KATNIP: variants seen among roughly 807,000 people sequenced by gnomAD.
KATNIP encodes katanin interacting protein, also known as katanin-interacting protein.
A neutral mutation model predicts 174.0 loss-of-function variants in KATNIP; 126 were observed. That is an observed-to-expected ratio of 0.72 (90% CI 0.63 to 0.84). KATNIP has a LOEUF of 0.84. KATNIP is among the 40% of genes least tolerant of loss of function. KATNIP has a pLI of 0.00. For synonymous variants in KATNIP, 810 were observed against 835.7 expected, an observed-to-expected ratio of 0.97 and a Z score of 0.53; for missense variants, 1,958 against 2,109.7, an observed-to-expected ratio of 0.93 and a Z score of 1.41.
In KATNIP at chr16:27,606,286, C is replaced by T. The variant is rs2075702158; in HGVS notation, c.64-12139C>T. On this transcript the variant is annotated intron_variant, in intron 2 of 27. Coordinates refer to ENST00000261588, the MANE Select transcript of KATNIP (RefSeq NM_015202.5). ...TTGAAGGAAGGCTGTGACTTTTGTA[C>T]TGTAAGATACATTTGGATCATCTCT... 2.0e-5 allele frequency among the ~76,000 whole-genome samples: 3 copies of T among 152,128 alleles called. No individual in the cohort carries two copies. The South Asian group carries it at 6.2e-4, about 32-fold the overall frequency.
intron 8 of KATNIP, among the ~76,000 whole-genome samples, chr16:27,690,350 A>ATAGG (rs1278461274): frequency 4.2e-5 from 5 of 120,052 alleles, no homozygotes; most frequent in Admixed American, 1.8e-4. Context: ...AGATAGATAG[A>ATAGG]TAGATAGATA....
intron 6 of KATNIP, among the ~76,000 whole-genome samples, chr16:27,655,206 ATATATATATATATATATATATATT>A (rs1257429679): frequency 8.7e-6 from 1 of 115,556 alleles, no homozygotes; most frequent in African/African-American, 4.0e-5. Context: ...ATATATATAT[ATATATATATATATATATATATATT>A]TTGTTTGTTT....
chr16:27,632,748 CTTTT>C (rs1192611326), intron 5 of KATNIP: 17 of 378,206 alleles, frequency 4.5e-5, no homozygotes, highest in East Asian at 3.8e-4. Flanking sequence ...TGATTTCTTT[CTTTT>C]TTTTTTTTCT....
At chr16:27,678,371 C>T (rs540598821) in intron 7 of KATNIP, among the ~76,000 whole-genome samples, 2 of 152,186 alleles carry the variant, frequency 1.3e-5, no homozygotes, top group South Asian at 2.1e-4. Flanking sequence ...TCTCCCTCTT[C>T]GTCTTCTTTT....
At chr16:27,622,344 G>T (rs565279947) in intron 3 of KATNIP, among the ~76,000 whole-genome samples, 3 of 152,202 alleles carry the variant, frequency 2.0e-5, no homozygotes, top group Admixed American at 2.0e-4. Context: ...GTCTGGAGAT[G>T]TGACAGCCTT....
intron 1 of KATNIP, among the ~76,000 whole-genome samples, chr16:27,552,930 G>A (rs1159926822): frequency 6.6e-6 from 1 of 152,122 alleles, no homozygotes; most frequent in African/African-American, 2.4e-5. Flanking sequence ...CCAACCTCAG[G>A]TGATCCGCCC....
intron 22 of KATNIP, among the ~76,000 whole-genome samples, chr16:27,772,876 C>A (rs1475861644): frequency 1.3e-5 from 2 of 152,002 alleles, no homozygotes; most frequent in Non-Finnish European, 2.9e-5. Context: ...CATACACACA[C>A]ATGAACACTC....
At chr16:27,664,840 G>A (rs143686520) in intron 6 of KATNIP, among the ~76,000 whole-genome samples, 7 of 152,258 alleles carry the variant, frequency 4.6e-5, no homozygotes, top group South Asian at 2.1e-4. Flanking sequence ...TTTCAGGGCC[G>A]TAAAAACTTC....
chr16:27,667,300 G>A (rs559406774), intron 6 of KATNIP, among the ~76,000 whole-genome samples: 2 of 151,352 alleles, frequency 1.3e-5, no homozygotes, highest in Admixed American at 1.3e-4. Flanking sequence ...GGGTGATAGA[G>A]TGAGACCCTG....
intron 13 of KATNIP, among the ~76,000 whole-genome samples, chr16:27,715,148 G>A (rs1346042684): frequency 6.6e-6 from 1 of 152,224 alleles, no homozygotes; most frequent in Non-Finnish European, 1.5e-5. Flanking sequence ...TGGATTTATA[G>A]TCAATTGATT....
At chr16:27,710,679 T>C (rs1160118358) in intron 13 of KATNIP, among the ~76,000 whole-genome samples, 1 of 152,164 alleles carries the variant, frequency 6.6e-6, no homozygotes, top group African/African-American at 2.4e-5. Flanking sequence ...TTTTGTAAAA[T>C]TTTTTATAGA....
chr16:27,689,346 G>A (rs1197520803), intron 8 of KATNIP, among the ~76,000 whole-genome samples: 2 of 152,058 alleles, frequency 1.3e-5, no homozygotes, highest in Non-Finnish European at 2.9e-5. Context: ...AACCTAGGAG[G>A]TGGAGGTTGC....
intron 2 of KATNIP, among the ~76,000 whole-genome samples, chr16:27,574,977 C>T (rs184718639): frequency 6.6e-6 from 1 of 152,032 alleles, no homozygotes; most frequent in Non-Finnish European, 1.5e-5. Context: ...ACCTTCCCCC[C>T]TCCCCGCCTC....
chr16:27,624,826 A>G (rs2076287674), intron 3 of KATNIP, among the ~76,000 whole-genome samples: 3 of 152,216 alleles, frequency 2.0e-5, no homozygotes, highest in Admixed American at 2.0e-4. Context: ...GAAAAAAAGA[A>G]AAGAAAGAAA....
At chr16:27,711,425 G>A (rs2143003269) in intron 13 of KATNIP, among the ~76,000 whole-genome samples, 1 of 152,304 alleles carries the variant, frequency 6.6e-6, no homozygotes, top group East Asian at 1.9e-4. Flanking sequence ...TTCAGAGAAG[G>A]GAACAAAATG....
At chr16:27,597,054 C>A (rs2075358477) in intron 2 of KATNIP, among the ~76,000 whole-genome samples, 1 of 151,808 alleles carries the variant, frequency 6.6e-6, no homozygotes, top group Admixed American at 6.6e-5. Flanking sequence ...ATTAGCTGGT[C>A]ATGATGGTGC....
At chr16:27,738,375 A>T (rs2080975018) in intron 14 of KATNIP, among the ~76,000 whole-genome samples, 2 of 152,182 alleles carry the variant, frequency 1.3e-5, no homozygotes, top group South Asian at 4.2e-4. Context: ...GCGTAGACAC[A>T]TGTTAAAACT....
rs141073833 is a variant in KATNIP at position 27,595,871 on chromosome 16, A to C, written c.63+21915A>C. Among the ~76,000 whole-genome samples the C allele has an allele frequency of 1.7e-3, 264 of 152,332 alleles. 1 individual carries two copies. The highest frequency in any genetic ancestry group is 0.017 in the Middle Eastern group (5 of 294). On this transcript the variant is annotated intron_variant, in intron 2 of 27. Coordinates refer to ENST00000261588, the MANE Select transcript of KATNIP (RefSeq NM_015202.5). ...AGACTACAGGAAGTGAGAGGAAGCC[A>C]CGCAGATCTCTGGGAAAGGAGCATT...
intron 1 of KATNIP, among the ~76,000 whole-genome samples, chr16:27,568,615 C>T (rs2090173811): frequency 6.6e-6 from 1 of 152,144 alleles, no homozygotes; most frequent in Non-Finnish European, 1.5e-5. Context: ...CAGGCACATG[C>T]CATCACGCCC....
Sources: allele counts gnomAD v4.1 joint callset (sites outside exome capture counted in the v4.1 genomes callset), GRCh38; gene constraint gnomAD v4.1.1; transcripts MANE v1.5; gene names NCBI Gene and HGNC (gene_info 2026-07-23, HGNC 2026-07-21).